INPP4B: variants seen among roughly 807,000 people sequenced by gnomAD.
The protein encoded by INPP4B is inositol polyphosphate-4-phosphatase type II B.
A neutral mutation model predicts 122.5 loss-of-function variants in INPP4B; 55 were observed. That is an observed-to-expected ratio of 0.45 (90% CI 0.36 to 0.56). INPP4B has a LOEUF of 0.56. Among genes scored for constraint, INPP4B ranks in the 20% least tolerant of loss-of-function variants. INPP4B has a pLI of 0.00. For missense variants in INPP4B, 1,000 were observed against 1,097.7 expected (o/e 0.91, Z 1.26); for synonymous variants, 403 against 388.7 (o/e 1.04, Z -0.43).
At position 142,550,618 on chromosome 4, in the gene INPP4B, ATAT is replaced by A. The variant is rs1380537228; in HGVS notation, c.-190-87895_-190-87893del. Among the ~76,000 whole-genome samples the A allele has an allele frequency of 1.0e-4, 4 of 38,476 alleles. No individual in the cohort carries two copies. In the Admixed American group the frequency reaches 1.3e-3, roughly 12 times the overall value. 25.2% of individuals were successfully genotyped at this position (38,476 alleles called of 152,430 possible). On this transcript the variant is annotated intron_variant, in intron 2 of 25. Transcript: ENST00000262992. ...CACACACACACACATATATATATAT[ATAT>A]TTTTTTTTTTACTTTACTGGCAAGA...
chr4:142,040,042 G>T lies in INPP4B; in HGVS notation c.2643-11128C>A, dbSNP rs559113001. ...TGAAGTTTCCATTGCGGGTTGGGGGGGTAATACAGAATAAAAGGATCTTTT... is the reference window on the plus strand; with the variant it reads ...TGAAGTTTCCATTGCGGGTTGGGGGTGTAATACAGAATAAAAGGATCTTTT... On this transcript the variant is annotated intron_variant, in intron 25 of 25. Transcript: ENST00000262992. Among the ~76,000 whole-genome samples the T allele has an allele frequency of 2.0e-5, 3 of 151,544 alleles. No individual in the cohort carries two copies. In the South Asian group the frequency reaches 6.3e-4, roughly 32 times the overall value.
intron 2 of INPP4B, among the ~76,000 whole-genome samples, chr4:142,575,314 CA>C (rs1475248394): frequency 6.6e-5 from 10 of 151,912 alleles, no homozygotes; most frequent in Admixed American, 1.3e-4. Flanking sequence ...AAAATCAAAA[CA>C]AGAGTCATAG....
intron 18 of INPP4B, among the ~76,000 whole-genome samples, chr4:142,134,797 CAAAAAAA>C (rs58297348): frequency 6.6e-4 from 34 of 51,314 alleles, no homozygotes; most frequent in Non-Finnish European, 9.7e-4. Flanking sequence ...AACTCTGTCT[CAAAAAAA>C]AAAAAAAAAA....
chr4:142,221,706 G>C lies in INPP4B; in HGVS notation c.837-12680C>G, dbSNP rs897259493. Among the ~76,000 whole-genome samples, 9 of 152,080 alleles carry C rather than the reference G, an allele frequency of 5.9e-5. No homozygotes were observed. In the Middle Eastern group the frequency reaches 0.01, roughly 172 times the overall value. On this transcript the variant is annotated intron_variant, in intron 12 of 25. Transcript: ENST00000262992. ...GACCAGTAGAACTCTTCATGATGTT[G>C]GAAATGTTCTATATCTGTGCTACCT...
intron 2 of INPP4B, among the ~76,000 whole-genome samples, chr4:142,595,288 C>T: frequency 6.6e-6 from 1 of 152,032 alleles, no homozygotes; most frequent in East Asian, 1.9e-4. Context: ...TTAGGCAGCT[C>T]CCACAGAGAG....
intron 1 of INPP4B, among the ~76,000 whole-genome samples, chr4:142,785,133 GGAGAAAACAAC>G (rs1312730899): frequency 6.6e-6 from 1 of 152,138 alleles, no homozygotes; most frequent in Non-Finnish European, 1.5e-5. Flanking sequence ...AGACAACAGA[GGAGAAAACAAC>G]AAGAAAATTA....
intron 1 of INPP4B, among the ~76,000 whole-genome samples, chr4:142,731,332 T>C (rs1240431264): frequency 6.6e-6 from 1 of 152,204 alleles, no homozygotes; most frequent in Non-Finnish European, 1.5e-5. Flanking sequence ...TCCTTTTGCA[T>C]TTCTCTGTGT....
chr4:142,254,950 G>C, intron 11 of INPP4B, among the ~76,000 whole-genome samples: 1 of 152,104 alleles, frequency 6.6e-6, no homozygotes, highest in Non-Finnish European at 1.5e-5. Flanking sequence ...AGGGCAGCCA[G>C]AGAGAAAGGT....
chr4:142,760,522 A>G (rs779270201), intron 1 of INPP4B, among the ~76,000 whole-genome samples: 29 of 152,162 alleles, frequency 1.9e-4, no homozygotes, highest in Non-Finnish European at 3.5e-4. Flanking sequence ...AGATGAAATC[A>G]ATTATGCTGA....
chr4:142,243,000 T>G (rs867136426), intron 11 of INPP4B, among the ~76,000 whole-genome samples: 1 of 152,120 alleles, frequency 6.6e-6, no homozygotes, highest in African/African-American at 2.4e-5. Context: ...ATCTGGCAAC[T>G]CAGATGTTTC....
At chr4:142,600,242 G>A (rs577363568) in intron 2 of INPP4B, among the ~76,000 whole-genome samples, 1 of 152,178 alleles carries the variant, frequency 6.6e-6, no homozygotes, top group Admixed American at 6.5e-5. Flanking sequence ...ATCAATGATA[G>A]GCACTTTTTC....
chr4:142,817,476 C>A lies in INPP4B; in HGVS notation c.-254+28733G>T, dbSNP rs1304816218. The stretch of plus-strand genomic sequence containing the variant: ...TGGAGTGCTTTAATCTTTGAACGTA[C>A]GGCTGCATCAGACCTTTCCCAGCTC... On this transcript the variant is annotated intron_variant, in intron 1 of 25. Transcript: ENST00000262992. 3.3e-5 allele frequency among the ~76,000 whole-genome samples: 5 copies of A among 152,228 alleles called. No homozygotes were observed. In the South Asian group the frequency reaches 1.0e-3, roughly 32 times the overall value.
intron 3 of INPP4B, among the ~76,000 whole-genome samples, chr4:142,457,833 C>G (rs1253164124): frequency 6.6e-6 from 1 of 152,156 alleles, no homozygotes; most frequent in Non-Finnish European, 1.5e-5. Context: ...TGAGCTCAAG[C>G]AATCCTCCCA....
At chr4:142,752,715 A>G (rs564518119) in intron 1 of INPP4B, among the ~76,000 whole-genome samples, 1 of 152,182 alleles carries the variant, frequency 6.6e-6, no homozygotes, top group East Asian at 1.9e-4. Context: ...ATTTTACATT[A>G]TCAGTTACTA....
intron 11 of INPP4B, among the ~76,000 whole-genome samples, chr4:142,255,671 A>G (rs985106557): frequency 3.9e-5 from 6 of 152,148 alleles, no homozygotes; most frequent in African/African-American, 1.4e-4. Context: ...AAATATATAT[A>G]TACCCAATAC....
chr4:142,642,711 A>G (rs1032327043), intron 2 of INPP4B, among the ~76,000 whole-genome samples: 1 of 152,122 alleles, frequency 6.6e-6, no homozygotes, highest in African/African-American at 2.4e-5. Flanking sequence ...TGATGCCTCC[A>G]GCTTTGTTCT....
intron 2 of INPP4B, among the ~76,000 whole-genome samples, chr4:142,479,990 A>G (rs1401661089): frequency 1.3e-5 from 2 of 152,200 alleles, no homozygotes; most frequent in Admixed American, 6.5e-5. Flanking sequence ...TTCTTAACTA[A>G]TGTACAGGGA....
intron 2 of INPP4B, among the ~76,000 whole-genome samples, chr4:142,606,104 TG>T (rs1202750126): frequency 6.6e-6 from 1 of 151,938 alleles, no homozygotes; most frequent in African/African-American, 2.4e-5. Context: ...GCAACATGGA[TG>T]GAACTGGAAG....
intron 25 of INPP4B, among the ~76,000 whole-genome samples, chr4:142,035,959 C>G (rs1743627648): frequency 6.6e-6 from 1 of 151,920 alleles, no homozygotes; most frequent in Admixed American, 6.6e-5. Context: ...ATTTTAGATA[C>G]AGGGGCATAC....
Sources: gnomAD v4.1 joint callset for allele counts (sites outside exome capture counted in the v4.1 genomes callset) on GRCh38, gnomAD v4.1.1 for gene constraint, MANE v1.5 for transcripts, NCBI Gene and HGNC (gene_info 2026-07-23, HGNC 2026-07-21) for gene names.